Variants in OTOGL observed in about 807,000 individuals in gnomAD.
The protein encoded by OTOGL is otogelin like.
Under a neutral mutation model 318.5 loss-of-function variants are expected in OTOGL, and 285 were observed. That is an observed-to-expected ratio of 0.89 (90% CI 0.81 to 0.99). The LOEUF (loss-of-function observed/expected upper bound fraction) is 0.99. Among genes scored for constraint, OTOGL ranks in the 50% least tolerant of loss-of-function variants. The probability of loss-of-function intolerance (pLI) is 0.00; values close to 1 mark genes in which losing one functional copy is unlikely to be tolerated. For missense variants in OTOGL, 2,899 were observed against 2,845.6 expected (o/e 1.02, Z -0.43); for synonymous variants, 987 against 936.5 (o/e 1.05, Z -0.99).
chr12:80,174,424 T>A (rs945204960), intron 1 of OTOGL, among the ~76,000 whole-genome samples: 6 of 152,216 alleles, frequency 3.9e-5, no homozygotes, highest in African/African-American at 1.4e-4. Context: ...CAAGCTTTAG[T>A]CTTATACTTG....
chr12:80,290,673 G>A (rs1426698300), intron 26 of OTOGL, among the ~76,000 whole-genome samples: 1 of 151,990 alleles, frequency 6.6e-6, no homozygotes, highest in Non-Finnish European at 1.5e-5. Context: ...TTTGTATATG[G>A]AAAAAATATT....
intron 4 of OTOGL, among the ~76,000 whole-genome samples, 163 bp downstream of exon 4, chr12:80,212,160 G>A (rs768487374): frequency 1.3e-5 from 2 of 152,028 alleles, no homozygotes; most frequent in Admixed American, 6.6e-5. Flanking sequence ...GCTTTTCTAC[G>A]ACCATCGAAT....
Position 80,222,261 on chromosome 12 carries a change from A to G in OTOGL, c.489+16A>G, listed in dbSNP as rs1208796498. The stretch of plus-strand genomic sequence containing the variant: ...CACTGTATGGGTAGGTGATTGTAGG[A>G]CATGATTAACTTAAAAATATTATCT... On this transcript the variant is annotated intron_variant, in intron 7 of 58. Coordinates refer to ENST00000547103, the MANE Select transcript of OTOGL (RefSeq NM_001378609.3). 3 of 1,550,872 alleles carry G rather than the reference A, an allele frequency of 1.9e-6. No homozygotes were observed. Among genetic ancestry groups the G allele is most frequent in the African/African-American group, 1.4e-5 (1 of 72,994 alleles).
intron 44 of OTOGL, among the ~76,000 whole-genome samples, chr12:80,349,474 G>A (rs1311352612): frequency 2.0e-5 from 3 of 152,030 alleles, no homozygotes; most frequent in African/African-American, 7.2e-5. Context: ...GACCATTGAG[G>A]ATGGGATCTA....
chr12:80,374,767 G>T (rs1280958187), intron 57 of OTOGL, among the ~76,000 whole-genome samples: 1 of 152,048 alleles, frequency 6.6e-6, no homozygotes, highest in Non-Finnish European at 1.5e-5. Context: ...TATTAGGGAA[G>T]TGAGTACAAT....
intron 17 of OTOGL, among the ~76,000 whole-genome samples, chr12:80,256,764 G>T (rs1882089358): frequency 6.6e-6 from 1 of 152,088 alleles, no homozygotes; most frequent in Admixed American, 6.6e-5. Flanking sequence ...TCTAAATGAG[G>T]TGCAGCTCAC....
At chr12:80,225,495 G>A (rs961574823) in intron 7 of OTOGL, among the ~76,000 whole-genome samples, 2 of 152,042 alleles carry the variant, frequency 1.3e-5, no homozygotes, top group Non-Finnish European at 2.9e-5. Context: ...GATTATAAAA[G>A]CAGTTCATTT....
At chr12:80,178,061 C>CTTTTTTTT (rs71094968) in intron 1 of OTOGL, among the ~76,000 whole-genome samples, 383 of 74,936 alleles carry the variant, frequency 5.1e-3, no homozygotes, top group Middle Eastern at 0.018. Flanking sequence ...TTCTTTCTTT[C>CTTTTTTTT]TTTTTTTTTT....
At chr12:80,308,358 C>T (rs1201946274) in intron 29 of OTOGL, among the ~76,000 whole-genome samples, 3 of 151,824 alleles carry the variant, frequency 2.0e-5, no homozygotes, top group African/African-American at 7.3e-5. Flanking sequence ...ACGCTCCTCA[C>T]ATCCCGGACG....
At chr12:80,366,383 C>A in intron 52 of OTOGL, 191 bp from the exon 53 acceptor site, 1 of 466,932 alleles carries the variant, frequency 2.1e-6, no homozygotes, top group South Asian at 1.6e-5. Flanking sequence ...GATTGCCCTA[C>A]AGAAGCTCAG....
intron 1 of OTOGL, among the ~76,000 whole-genome samples, chr12:80,157,680 A>T (rs1210296298): frequency 6.6e-6 from 1 of 152,094 alleles, no homozygotes; most frequent in Non-Finnish European, 1.5e-5. Context: ...TATTGAAGAG[A>T]CCATTTTTAC....
At chr12:80,163,859 A>G (rs1446305704) in intron 1 of OTOGL, among the ~76,000 whole-genome samples, 1 of 152,154 alleles carries the variant, frequency 6.6e-6, no homozygotes, top group African/African-American at 2.4e-5. Context: ...CCATTGGTAA[A>G]GTCAAAGGGC....
intron 1 of OTOGL, among the ~76,000 whole-genome samples, chr12:80,113,874 GC>G (rs1317889774): frequency 6.6e-6 from 1 of 152,016 alleles, no homozygotes; most frequent in African/African-American, 2.4e-5. Context: ...ACAATGTGAT[GC>G]CCTTTGCCTT....
chr12:80,144,047 CTT>C (rs201583324), intron 1 of OTOGL, among the ~76,000 whole-genome samples: 4 of 141,536 alleles, frequency 2.8e-5, no homozygotes, highest in East Asian at 4.1e-4. Flanking sequence ...TTGTGCTTTT[CTT>C]TTTTTTTTTT....
intron 53 of OTOGL, 121 bp downstream of exon 53, chr12:80,366,758 A>G: frequency 3.6e-6 from 1 of 277,550 alleles, no homozygotes; most frequent in Non-Finnish European, 6.4e-6. Context: ...ATTTGCCAGT[A>G]TTTGAGTATA....
At chr12:80,370,905 A>C in intron 56 of OTOGL, 1 of 272,548 alleles carries the variant, frequency 3.7e-6, no homozygotes, top group Non-Finnish European at 6.6e-6. Flanking sequence ...ATACTGTGCA[A>C]TCGTTGGGTT....
intron 57 of OTOGL, among the ~76,000 whole-genome samples, chr12:80,373,307 C>G (rs899606203): frequency 3.3e-5 from 5 of 152,104 alleles, no homozygotes; most frequent in African/African-American, 1.2e-4. Context: ...CAGCATGTGC[C>G]TGTGATCCCA....
At chr12:80,142,702 C>G (rs749428087) in intron 1 of OTOGL, among the ~76,000 whole-genome samples, 3 of 152,104 alleles carry the variant, frequency 2.0e-5, no homozygotes, top group Non-Finnish European at 4.4e-5. Context: ...TCCCTTCTGT[C>G]TATCCCCACT....
intron 29 of OTOGL, among the ~76,000 whole-genome samples, chr12:80,308,521 G>T (rs1412565783): frequency 6.6e-6 from 1 of 151,512 alleles, no homozygotes; most frequent in Non-Finnish European, 1.5e-5. Context: ...CATCCCAGAC[G>T]ATGGGCGGCC....
Sources: gnomAD v4.1 joint callset for allele counts (sites outside exome capture counted in the v4.1 genomes callset) on GRCh38, gnomAD v4.1.1 for gene constraint, MANE v1.5 for transcripts, NCBI Gene and HGNC (gene_info 2026-07-23, HGNC 2026-07-21) for gene names.